Variants in ELMO2 observed in about 807,000 individuals in gnomAD.
The protein encoded by ELMO2 is engulfment and cell motility 2, also known as engulfment and cell motility protein 2.
ELMO2 carries 37 observed loss-of-function variants against 96.2 expected under a neutral mutation model. The ratio of observed to expected loss-of-function variants is 0.38; its 90% CI spans 0.30 to 0.51. The LOEUF is 0.51. Ranked by LOEUF, ELMO2 falls within the 20% of genes least tolerant of loss-of-function variation. ELMO2 has a pLI of 0.88. For synonymous variants in ELMO2, 315 were observed against 329.4 expected, an observed-to-expected ratio of 0.96 and a Z score of 0.47; for missense variants, 561 against 912.6, an observed-to-expected ratio of 0.61 and a Z score of 4.96.
chr20:46,373,224 G>C (rs1269283145), intron 16 of ELMO2, 175 bp downstream of exon 16: 44 of 775,556 alleles, frequency 5.7e-5, no homozygotes, highest in Non-Finnish European at 8.4e-5. Flanking sequence ...CAAGGTCACA[G>C]AGGGAGCAAC....
rs1761177262 is a variant in ELMO2, at chr20:46,371,934, A to G, written c.1452T>C (p.Ala484=). 1 of 1,614,112 alleles carries G rather than the reference A, an allele frequency of 6.2e-7. No individual in the cohort carries two copies. Among genetic ancestry groups the G allele is most frequent in the African/African-American group, 1.3e-5 (1 of 75,056 alleles). The part of the protein sequence containing the change: ...MQVVREQITR[A]LPSKPNSLDQ... ...CCAAAGAGTTGGGTTTGGAGGGCAAAGCTCGAGTGATTTGCTCTCGGACGA... is the reference window on the plus strand; with the variant it reads ...CCAAAGAGTTGGGTTTGGAGGGCAAGGCTCGAGTGATTTGCTCTCGGACGA... Residue 484 remains alanine (A), a synonymous_variant, in exon 17 of 22, where the codon GCT becomes GCC. Transcript: ENST00000290246. The surrounding 1 kb of genome is among the most constrained non-coding windows in gnomAD (Gnocchi z 5.9).
rs1286479630 is a variant in ELMO2 at position 46,366,083 on chromosome 20, G to A, written c.*1277C>T. ...TGAAAGAGTATTTATTGAAAACATG[G>A]TTACTGACAGGAAGCTCCTGGCTGC... On this transcript the variant is annotated 3_prime_UTR_variant, in exon 22 of 22. Coordinates refer to ENST00000290246, the MANE Select transcript of ELMO2 (RefSeq NM_133171.5). 6.6e-6 allele frequency: 1 copy of A among 152,612 alleles called. No homozygotes were observed. Among genetic ancestry groups the A allele is most frequent in the African/African-American group, 2.4e-5 (1 of 41,432 alleles). 9.5% of individuals were successfully genotyped at this position (152,612 alleles called of 1,614,324 possible).
chr20:46,394,009 G>A (rs1307973582), intron 4 of ELMO2, 40 bp downstream of exon 4: 27 of 1,613,210 alleles, frequency 1.7e-5, no homozygotes, highest in African/African-American at 9.4e-5. Context: ...TCTTTCAGTC[G>A]GAGCTGCCAC....
In ELMO2 at chr20:46,375,026, T is replaced by C. The variant is rs1484175211; in HGVS notation, c.1065+210A>G. 1.3e-5 allele frequency among the ~76,000 whole-genome samples: 2 copies of C among 152,152 alleles called. No homozygotes were observed. Among genetic ancestry groups the C allele is most frequent in the African/African-American group, 2.4e-5 (1 of 41,430 alleles). ...TAGCTGACCGCAACCCCCCTACAGATGGATTCGTTTCACAGGGCCAAACTT... is the reference window on the plus strand; with the variant it reads ...TAGCTGACCGCAACCCCCCTACAGACGGATTCGTTTCACAGGGCCAAACTT... On this transcript the variant is annotated intron_variant, in intron 13 of 21. Transcript: ENST00000290246. The surrounding 1 kb of genome is among the most constrained non-coding windows in gnomAD (Gnocchi z 4.6).
At position 46,366,796 on chromosome 20, in the gene ELMO2, G is replaced by C. The variant is rs185213509; in HGVS notation, c.*564C>G. Reference sequence around the variant, plus strand: ...AGAGATCTGGTGGCTCTAAAGACCAGAGATGTTAGAGCCAACCTCAGAAGC... The same window carrying C: ...AGAGATCTGGTGGCTCTAAAGACCACAGATGTTAGAGCCAACCTCAGAAGC... On this transcript the variant is annotated 3_prime_UTR_variant, in exon 22 of 22. Transcript: ENST00000290246. 6.5e-6 allele frequency: 1 copy of C among 152,682 alleles called. No individual in the cohort carries two copies. Among genetic ancestry groups the C allele is most frequent in the African/African-American group, 2.4e-5 (1 of 41,434 alleles). 9.5% of individuals were successfully genotyped at this position (152,682 alleles called of 1,614,324 possible). A position where few individuals can be genotyped will look rare whatever the true frequency, so the allele number is the denominator to read the frequency against.
At chr20:46,367,768 A>G (rs529535730) in intron 21 of ELMO2, among the ~76,000 whole-genome samples, 54 of 152,340 alleles carry the variant, frequency 3.5e-4, no homozygotes, top group Middle Eastern at 3.4e-3. Context: ...GTTTTATATT[A>G]CAACTCCTTA....
chr20:46,375,389 A>T lies in ELMO2; in HGVS notation c.931-19T>A. 6.2e-7 allele frequency: 1 copy of T among 1,612,698 alleles called. No individual in the cohort carries two copies. Among genetic ancestry groups the T allele is most frequent in the Middle Eastern group, 1.7e-4 (1 of 6,058 alleles). ...TTTGAGCCTGCGAGGTGAAACAGAC[A>T]GTCAGCAGGTGAATCGGCTAACCAA... is the stretch of plus-strand genomic sequence containing the variant. On this transcript the variant is annotated intron_variant, in intron 12 of 21. Coordinates refer to ENST00000290246, the MANE Select transcript of ELMO2 (RefSeq NM_133171.5). The surrounding 1 kb of genome is among the most constrained non-coding windows in gnomAD (Gnocchi z 4.6).
intron 19 of ELMO2, among the ~76,000 whole-genome samples, chr20:46,370,835 A>G (rs1204415336): frequency 6.6e-6 from 1 of 152,170 alleles, no homozygotes; most frequent in Non-Finnish European, 1.5e-5. Flanking sequence ...CTCCTTCACA[A>G]TAATGGCGAT....
intron 16 of ELMO2, 134 bp from the exon 17 acceptor site, chr20:46,372,103 T>A (rs1488982633): frequency 2.0e-6 from 2 of 1,018,138 alleles, no homozygotes; most frequent in Non-Finnish European, 2.9e-6. Context: ...GCTGGGTGAG[T>A]AAGGTATACC....
chr20:46,383,839 T>C (rs946925203), intron 9 of ELMO2, among the ~76,000 whole-genome samples: 1 of 152,198 alleles, frequency 6.6e-6, no homozygotes, highest in African/African-American at 2.4e-5. Flanking sequence ...GGGTAAAGAT[T>C]CTTAACCTGG....
rs1433603289 is a variant in ELMO2, at chr20:46,373,420, T to G, written c.1395A>C (p.Ala465=). Residue 465 remains alanine, a synonymous_variant, in exon 16 of 22, where the codon GCA becomes GCC. Coordinates refer to ENST00000290246, the MANE Select transcript of ELMO2 (RefSeq NM_133171.5). ...TGACCTTGTTGAAGTCCTCTGCTGT[T>G]GCCCTCATCTCCTTCCAGGTCTTGT... ...LLNKTWKEMR[A]TAEDFNKVMQ... 1 of 1,614,234 alleles carries G rather than the reference T, an allele frequency of 6.2e-7. No individual in the cohort carries two copies. The highest frequency in any genetic ancestry group is 2.2e-5 in the East Asian group (1 of 44,878).
rs182516914 is a variant in ELMO2 at position 46,380,658 on chromosome 20, T to C, written c.757-355A>G. Among the ~76,000 whole-genome samples, 116 of 152,330 alleles carry C rather than the reference T, an allele frequency of 7.6e-4. 1 individual carries two copies. In the East Asian group the frequency reaches 0.014, roughly 19 times the overall value. On this transcript the variant is annotated intron_variant, in intron 10 of 21. Coordinates refer to ENST00000290246, the MANE Select transcript of ELMO2 (RefSeq NM_133171.5). The stretch of plus-strand genomic sequence containing the variant: ...GCAGTGTGATGGTTTCTAAGCCACA[T>C]GCATCGTGCCAGGTAGACCCCACTG...
At chr20:46,403,002 C>T (rs573868440) in intron 1 of ELMO2, among the ~76,000 whole-genome samples, 18 of 152,308 alleles carry the variant, frequency 1.2e-4, no homozygotes, top group African/African-American at 4.3e-4. Flanking sequence ...GATTTTCTTA[C>T]CTGTAAAATG....
Position 46,405,573 on chromosome 20 carries a change from G to C in ELMO2, c.-126+975C>G, listed in dbSNP as rs115679699. 5.7e-3 allele frequency among the ~76,000 whole-genome samples: 874 copies of C among 152,220 alleles called. 8 individuals carry two copies. The highest frequency in any genetic ancestry group is 0.019 in the African/African-American group (780 of 41,530). On this transcript the variant is annotated intron_variant, in intron 1 of 21. Transcript: ENST00000290246. ...GGGTGGGACGCCGGGCCAGTTTCAT[G>C]CCCTAAGCATCCAGATCTGCTCTGC...
rs759148389 is a variant in ELMO2, at chr20:46,389,131, A to G, written c.333T>C (p.Ser111=). 2.5e-6 allele frequency: 4 copies of G among 1,614,098 alleles called. No individual in the cohort carries two copies. Among genetic ancestry groups the G allele is most frequent in the South Asian group, 2.2e-5 (2 of 91,088 alleles). The change falls in exon 7 of 22, where the codon TCT becomes TCC. Residue 111 remains serine, a synonymous_variant. Coordinates refer to ENST00000290246, the MANE Select transcript of ELMO2 (RefSeq NM_133171.5). ...LDAMKELAKL[S]ADVTFATEFI... ...ACTCAGTAGCGAAAGTCACGTCGGC[A>G]GAGAGCTTGGCCAGCTCCTTCATGG...
chr20:46,403,537 A>G (rs960533047), intron 1 of ELMO2, among the ~76,000 whole-genome samples: 1 of 152,224 alleles, frequency 6.6e-6, no homozygotes, highest in African/African-American at 2.4e-5. Flanking sequence ...TAAATCCAAC[A>G]TTTTTAAAAA....
intron 2 of ELMO2, among the ~76,000 whole-genome samples, chr20:46,398,140 G>A (rs892606639): frequency 7.9e-5 from 12 of 152,106 alleles, no homozygotes; most frequent in Non-Finnish European, 1.5e-4. Context: ...ATATGATGAT[G>A]GTACTGGGTA....
intron 1 of ELMO2, 38 bp from the exon 2 acceptor site, chr20:46,398,809 G>A (rs905982550): frequency 6.6e-5 from 10 of 152,148 alleles, no homozygotes; most frequent in African/African-American, 2.4e-4. Context: ...TGAAGGGAGG[G>A]AAAAGAAATA....
chr20:46,368,999 T>C (rs1311561990), intron 20 of ELMO2, 31 bp from the exon 21 acceptor site: 1 of 1,604,972 alleles, frequency 6.2e-7, no homozygotes, highest in African/African-American at 1.3e-5. Context: ...ATTAGAGCGA[T>C]GGAACAGCCT....
Sources: allele counts gnomAD v4.1 joint callset (sites outside exome capture counted in the v4.1 genomes callset), GRCh38; gene constraint gnomAD v4.1.1; non-coding constraint Gnocchi (gnomAD v3.1); transcripts MANE v1.5; gene names NCBI Gene and HGNC (gene_info 2026-07-23, HGNC 2026-07-21).